WWOX: variants seen among roughly 807,000 people sequenced by gnomAD.
WWOX encodes WW domain-containing oxidoreductase.
In WWOX, 69 loss-of-function variants were observed where a neutral mutation model predicts 46.2. The observed-to-expected ratio is 1.49, with a 90% CI of 1.23 to 1.82. The LOEUF (loss-of-function observed/expected upper bound fraction) is 1.82, where lower values mean the gene tolerates loss of function less well. WWOX is among the 40% of genes most tolerant of loss of function. The pLI, the probability that WWOX is intolerant of heterozygous loss-of-function variation, is 0.00. For synonymous variants in WWOX, 359 were observed against 202.6 expected (o/e 1.77, Z -6.56); for missense variants, 919 against 542.6 (o/e 1.69, Z -6.89).
At chr16:79,143,996 C>T (rs2050138808) in intron 8 of WWOX, among the ~76,000 whole-genome samples, 1 of 152,156 alleles carries the variant, frequency 6.6e-6, no homozygotes, top group Non-Finnish European at 1.5e-5. Context: ...TCTTGAACTC[C>T]TGGGCTCCAG....
In WWOX at chr16:78,574,999, TTATATA is replaced by T. The variant is rs1274999113; in HGVS notation, c.1056+142264_1056+142269del. 1.5e-3 allele frequency among the ~76,000 whole-genome samples: 55 copies of T among 37,026 alleles called. 2 individuals carry two copies. The highest frequency in any genetic ancestry group is 3.8e-3 in the African/African-American group (53 of 13,860). The allele number at this position is 37,026 out of a possible 152,430, so 24.3% of individuals were successfully genotyped here. A position where few individuals can be genotyped will look rare whatever the true frequency, so the allele number is the denominator to read the frequency against. On this transcript the variant is annotated intron_variant, in intron 8 of 8. Coordinates refer to ENST00000566780, the MANE Select transcript of WWOX (RefSeq NM_016373.4). The stretch of plus-strand genomic sequence containing the variant: ...AATATATTCAATATTTATTTTTCAA[TTATATA>T]TATATATATATATATAAATATATAT...
chr16:78,695,610 C>G (rs752546461), intron 8 of WWOX, among the ~76,000 whole-genome samples: 1 of 152,102 alleles, frequency 6.6e-6, no homozygotes, highest in East Asian at 1.9e-4. Flanking sequence ...GCTGGCAAGT[C>G]GGAGTCTTTG....
intron 8 of WWOX, among the ~76,000 whole-genome samples, chr16:78,483,971 C>A (rs922784443): frequency 6.6e-6 from 1 of 152,098 alleles, no homozygotes; most frequent in African/African-American, 2.4e-5. Context: ...AAGATGGGCC[C>A]CTTTCAGGAA....
chr16:78,539,852 G>T (rs577200024), intron 8 of WWOX, among the ~76,000 whole-genome samples: 1 of 152,180 alleles, frequency 6.6e-6, no homozygotes, highest in South Asian at 2.1e-4. Context: ...TGCCATTACT[G>T]TACCTCTATT....
chr16:78,930,417 A>G (rs1284865524), intron 8 of WWOX, among the ~76,000 whole-genome samples: 2 of 147,408 alleles, frequency 1.4e-5, no homozygotes, highest in East Asian at 2.0e-4. Flanking sequence ...AGCTGGGACT[A>G]CAGGTGTGCA....
chr16:78,584,564 T>G (rs565722954), intron 8 of WWOX, among the ~76,000 whole-genome samples: 1 of 152,210 alleles, frequency 6.6e-6, no homozygotes, highest in East Asian at 1.9e-4. Flanking sequence ...TATTTTAATA[T>G]ATACCTTTTA....
intron 8 of WWOX, among the ~76,000 whole-genome samples, chr16:78,513,105 T>A (rs559356265): frequency 3.0e-4 from 45 of 152,188 alleles, no homozygotes; most frequent in Non-Finnish European, 5.1e-4. Context: ...TTCCAACTGG[T>A]TTGTATTTTC....
chr16:78,646,851 C>T (rs140658270), intron 8 of WWOX, among the ~76,000 whole-genome samples: 5 of 152,282 alleles, frequency 3.3e-5, no homozygotes, highest in Admixed American at 6.5e-5. Context: ...CCGAAACTAA[C>T]TCTGCTGTGT....
chr16:78,370,982 T>C (rs969539615), intron 5 of WWOX, among the ~76,000 whole-genome samples: 3 of 147,312 alleles, frequency 2.0e-5, no homozygotes, highest in African/African-American at 7.5e-5. Flanking sequence ...TGTGATTTCT[T>C]TTTTTTTTTT....
At chr16:78,920,877 A>G (rs2045362787) in intron 8 of WWOX, among the ~76,000 whole-genome samples, 1 of 152,196 alleles carries the variant, frequency 6.6e-6, no homozygotes, top group African/African-American at 2.4e-5. Context: ...GAGCTCGATG[A>G]GCAAATGATT....
rs79533355 is a variant in WWOX, at chr16:78,985,811, T to A, written c.1057-225797T>A. ...AGGCACAGACAATTTACCTGGATCC[T>A]CACATTGCAATGCTGACCACTCCGG... On this transcript the variant is annotated intron_variant, in intron 8 of 8. Coordinates refer to ENST00000566780, the MANE Select transcript of WWOX (RefSeq NM_016373.4). Among the ~76,000 whole-genome samples, 828 of 152,216 alleles carry A rather than the reference T, an allele frequency of 5.4e-3. 13 individuals are homozygous for A. Among genetic ancestry groups the A allele is most frequent in the African/African-American group, 0.019 (781 of 41,558 alleles).
intron 8 of WWOX, among the ~76,000 whole-genome samples, chr16:78,963,494 A>G (rs192362417): frequency 2.0e-5 from 3 of 152,258 alleles, no homozygotes; most frequent in East Asian, 3.9e-4. Flanking sequence ...AAACAAACAA[A>G]AAGCTAAATA....
intron 8 of WWOX, among the ~76,000 whole-genome samples, chr16:78,561,399 C>T (rs1317867470): frequency 6.6e-6 from 1 of 152,050 alleles, no homozygotes; most frequent in Non-Finnish European, 1.5e-5. Flanking sequence ...TTCAAGGGCT[C>T]ACGTGATGAG....
intron 8 of WWOX, among the ~76,000 whole-genome samples, chr16:78,976,931 A>T (rs1422524903): frequency 6.6e-6 from 1 of 152,170 alleles, no homozygotes; most frequent in Non-Finnish European, 1.5e-5. Flanking sequence ...GCCATCAGAA[A>T]GGAAGTAACT....
intron 8 of WWOX, among the ~76,000 whole-genome samples, chr16:78,800,711 T>C (rs2050863781): frequency 6.6e-6 from 1 of 152,208 alleles, no homozygotes; most frequent in Non-Finnish European, 1.5e-5. Context: ...AGGCCTCTTT[T>C]CAGAATGAGG....
intron 8 of WWOX, among the ~76,000 whole-genome samples, chr16:78,658,522 T>C (rs2047133060): frequency 1.3e-5 from 2 of 152,142 alleles, no homozygotes; most frequent in Admixed American, 6.5e-5. Context: ...CATCGAGGTG[T>C]TGGCAGAGTT....
At chr16:78,931,600 G>A (rs187687876) in intron 8 of WWOX, among the ~76,000 whole-genome samples, 6 of 152,208 alleles carry the variant, frequency 3.9e-5, no homozygotes, top group Non-Finnish European at 5.9e-5. Context: ...GTCTAATAGA[G>A]GAGGCACATA....
intron 8 of WWOX, among the ~76,000 whole-genome samples, chr16:78,602,222 C>T (rs1379039573): frequency 6.6e-6 from 1 of 152,108 alleles, no homozygotes; most frequent in East Asian, 1.9e-4. Context: ...CTCCTGTTCT[C>T]TTCTGGATAG....
At chr16:78,635,492 G>A (rs747134401) in intron 8 of WWOX, among the ~76,000 whole-genome samples, 1 of 152,146 alleles carries the variant, frequency 6.6e-6, no homozygotes, top group African/African-American at 2.4e-5. Context: ...GTGCACCTGG[G>A]TTCATATCCT....
Sources: allele counts gnomAD v4.1 joint callset (sites outside exome capture counted in the v4.1 genomes callset), GRCh38; gene constraint gnomAD v4.1.1; transcripts MANE v1.5; gene names NCBI Gene and HGNC (gene_info 2026-07-23, HGNC 2026-07-21).